The following MPRIP variants were observed in gnomAD, a reference collection of about 807,000 sequenced individuals.
MPRIP encodes myosin phosphatase Rho interacting protein.
MPRIP carries 59 observed loss-of-function variants against 234.9 expected under a neutral mutation model. That is an observed-to-expected ratio of 0.25 (90% confidence interval 0.20 to 0.31). The LOEUF (loss-of-function observed/expected upper bound fraction) is 0.31, where lower values mean the gene tolerates loss of function less well. MPRIP is among the 10% of genes least tolerant of loss of function. MPRIP has a pLI of 1.00. For missense variants in MPRIP, 2,436 were observed against 3,071.0 expected, an observed-to-expected ratio of 0.79 and a Z score of 4.89; for synonymous variants, 1,144 against 1,263.9, an observed-to-expected ratio of 0.91 and a Z score of 2.01.
At position 17,185,962 on chromosome 17, in the gene MPRIP, G is replaced by T; in HGVS notation, c.*1068G>T. 6.4e-6 allele frequency: 1 copy of T among 156,990 alleles called. No individual in the cohort carries two copies. The highest frequency in any genetic ancestry group is 1.4e-5 in the Non-Finnish European group (1 of 71,184). 9.7% of individuals were successfully genotyped at this position (156,990 alleles called of 1,614,324 possible). A position where few individuals can be genotyped will look rare whatever the true frequency, so the allele number is the denominator to read the frequency against. ...GCAGCATTTATCTTTAAAAGAGCCTGGTTAAAGTAAACCTATACTAACAAT... is the reference window on the plus strand; with the variant it reads ...GCAGCATTTATCTTTAAAAGAGCCTTGTTAAAGTAAACCTATACTAACAAT... On this transcript the variant is annotated 3_prime_UTR_variant, in exon 24 of 24. Transcript: ENST00000651222.
At position 17,158,747 on chromosome 17, in the gene MPRIP, G is replaced by A. The variant is rs1445818539; in HGVS notation, c.2145G>A (p.Gly715=). The part of the protein sequence containing the change: ...RRREERRKRF[G]MLDATDGPGT... Reference sequence around the variant, plus strand: ...GGGAGGAGCGCCGCAAGCGCTTCGGGATGCTCGACGCCACAGACGGGCCAG... The same window carrying A: ...GGGAGGAGCGCCGCAAGCGCTTCGGAATGCTCGACGCCACAGACGGGCCAG... Residue 715 remains glycine, a synonymous_variant, in exon 14 of 24, where the codon GGG becomes GGA. Coordinates refer to ENST00000651222, the MANE Select transcript of MPRIP (RefSeq NM_001364716.4). 6.2e-7 allele frequency: 1 copy of A among 1,611,328 alleles called. No homozygotes were observed. The highest frequency in any genetic ancestry group is 1.1e-5 in the South Asian group (1 of 91,028).
intron 8 of MPRIP, among the ~76,000 whole-genome samples, chr17:17,143,018 C>G (rs553049009): frequency 6.6e-6 from 1 of 152,328 alleles, no homozygotes; most frequent in Non-Finnish European, 1.5e-5. Context: ...TCACTCTCTT[C>G]CTATCTGAGA....
At chr17:17,155,527 A>C (rs1275156948) in intron 13 of MPRIP, among the ~76,000 whole-genome samples, 1 of 152,200 alleles carries the variant, frequency 6.6e-6, no homozygotes, top group Non-Finnish European at 1.5e-5. Context: ...TGCAGGCATG[A>C]GCCACCACAG....
At chr17:17,136,131 C>T in intron 5 of MPRIP, 88 bp from the exon 6 acceptor site, 4 of 1,422,978 alleles carry the variant, frequency 2.8e-6, no homozygotes, top group South Asian at 2.4e-5. Context: ...GGCCCGGGTG[C>T]CCCCTATAGC....
intron 5 of MPRIP, among the ~76,000 whole-genome samples, chr17:17,133,614 C>T (rs543795442): frequency 6.6e-6 from 1 of 152,180 alleles, no homozygotes; most frequent in Admixed American, 6.5e-5. Flanking sequence ...GAGCTTGAAG[C>T]GTTGGCTGCC....
At chr17:17,048,135 C>G (rs1478683166) in intron 1 of MPRIP, among the ~76,000 whole-genome samples, 1 of 152,176 alleles carries the variant, frequency 6.6e-6, no homozygotes, top group African/African-American at 2.4e-5. Context: ...ACTTCTTTGT[C>G]TAGCCCTGTT....
chr17:17,047,356 ATTT>A (rs2088386255), intron 1 of MPRIP, among the ~76,000 whole-genome samples: 1 of 150,396 alleles, frequency 6.6e-6, no homozygotes, highest in African/African-American at 2.5e-5. Context: ...TTGTGTGGTT[ATTT>A]TTCTTTTTCA....
At chr17:17,082,895 G>A (rs1331077943) in intron 3 of MPRIP, among the ~76,000 whole-genome samples, 1 of 152,218 alleles carries the variant, frequency 6.6e-6, no homozygotes, top group Admixed American at 6.5e-5. Context: ...ATTTCACTCA[G>A]CATAAGGTCC....
chr17:17,043,765 A>G (rs1467679983), intron 1 of MPRIP, among the ~76,000 whole-genome samples: 1 of 152,130 alleles, frequency 6.6e-6, no homozygotes, highest in African/African-American at 2.4e-5. Context: ...GGCCCTTGGG[A>G]ACCCCTGCAG....
At chr17:17,133,250 A>G (rs1341020806) in intron 5 of MPRIP, among the ~76,000 whole-genome samples, 1 of 152,074 alleles carries the variant, frequency 6.6e-6, no homozygotes, top group Non-Finnish European at 1.5e-5. Context: ...TCCTAAGACA[A>G]CCTTGCGGGG....
At chr17:17,134,678 A>G (rs916646290) in intron 5 of MPRIP, among the ~76,000 whole-genome samples, 1 of 152,194 alleles carries the variant, frequency 6.6e-6, no homozygotes, top group Non-Finnish European at 1.5e-5. Flanking sequence ...GCCCCACCCA[A>G]GGCAGTGCCC....
At chr17:17,065,313 T>A (rs1025650670) in intron 1 of MPRIP, among the ~76,000 whole-genome samples, 5 of 152,248 alleles carry the variant, frequency 3.3e-5, no homozygotes, top group Non-Finnish European at 7.4e-5. Flanking sequence ...GTCCAGTTTA[T>A]CCATTTAAAT....
intron 3 of MPRIP, among the ~76,000 whole-genome samples, chr17:17,102,932 C>G (rs1345636704): frequency 6.6e-6 from 1 of 152,224 alleles, no homozygotes; most frequent in Non-Finnish European, 1.5e-5. Flanking sequence ...CTGTTTGTCC[C>G]GTTTGTAACC....
chr17:17,046,878 A>G (rs1347386723), intron 1 of MPRIP, among the ~76,000 whole-genome samples: 1 of 152,226 alleles, frequency 6.6e-6, no homozygotes, highest in Non-Finnish European at 1.5e-5. Flanking sequence ...ACTGTGTTCC[A>G]GTAAAACTTT....
chr17:17,136,412 C>G lies in MPRIP; in HGVS notation c.698C>G (p.Ala233Gly), dbSNP rs2090699848. The change falls in exon 6 of 24, where the codon GCC (alanine) becomes GGC (glycine). Residue 233 changes from alanine to glycine, a missense_variant. Ala to Gly is a moderately conservative substitution (Grantham distance 60). Around this residue, in one of 4 missense-constraint regions of MPRIP, gnomAD observed 267 missense variants for 252.7 expected, o/e 1.06. Coordinates refer to ENST00000651222, the MANE Select transcript of MPRIP (RefSeq NM_001364716.4). ...CCCAGCCAGAGCCAGCCTCCTGCTG[C>G]CAGCTCCCTGCGGGAACCTGGGCTA... The part of the protein sequence containing the change: ...QSPSQSQPPA[A>G]SSLREPGLES... The G allele has an allele frequency of 1.2e-6, 2 of 1,610,028 alleles. No homozygotes were observed. The highest frequency in any genetic ancestry group is 1.3e-5 in the African/African-American group (1 of 74,938).
Position 17,078,685 on chromosome 17 carries a change from C to T in MPRIP, c.267+609C>T, listed in dbSNP as rs958057418. Among the ~76,000 whole-genome samples, 5 of 152,204 alleles carry T rather than the reference C, an allele frequency of 3.3e-5. No individual in the cohort carries two copies. The highest frequency in any genetic ancestry group is 7.2e-5 in the African/African-American group (3 of 41,446). ...CTGGATGAGTGTTTGCTGCTGTTGC[C>T]CCAGAGGCCAAACCTGAAAATCAAC... On this transcript the variant is annotated intron_variant, in intron 3 of 23. Transcript: ENST00000651222. This position sits in a 1 kb window ranked among gnomAD's most constrained non-coding sequence, Gnocchi z 4.3.
intron 18 of MPRIP, 192 bp from the exon 19 acceptor site, chr17:17,173,724 G>A: frequency 1.4e-6 from 1 of 717,022 alleles, no homozygotes; most frequent in Non-Finnish European, 2.5e-6. Flanking sequence ...CAGACTGTGA[G>A]AAAGGACCAG....
intron 16 of MPRIP, chr17:17,170,018 ACTT>A (rs1332060669): frequency 6.6e-6 from 1 of 151,824 alleles, no homozygotes; most frequent in Non-Finnish European, 1.5e-5. Flanking sequence ...TCAAAATAAG[ACTT>A]TTCCCAGCAA....
chr17:17,171,600 T>C (rs2046136119), intron 16 of MPRIP, 118 bp from the exon 17 acceptor site: 1 of 1,338,046 alleles, frequency 7.5e-7, no homozygotes, highest in Non-Finnish European at 1.0e-6. Flanking sequence ...GCAAGCTCAG[T>C]GAATGCCCAG....
Sources: allele counts gnomAD v4.1 joint callset (sites outside exome capture counted in the v4.1 genomes callset), GRCh38; gene constraint gnomAD v4.1.1; regional missense constraint gnomAD v4.1.1; non-coding constraint Gnocchi (gnomAD v3.1); transcripts MANE v1.5; gene names NCBI Gene and HGNC (gene_info 2026-07-23, HGNC 2026-07-21).